Variants in ADARB1 observed in about 807,000 individuals in gnomAD.
ADARB1 encodes the protein adenosine deaminase RNA specific B1, also known as double-stranded RNA-specific editase 1.
In ADARB1, 10 loss-of-function variants were observed where a neutral mutation model predicts 52.4. The ratio of observed to expected loss-of-function variants is 0.19; its 90% CI spans 0.12 to 0.32. ADARB1 has a LOEUF of 0.32. ADARB1 is among the 10% of genes least tolerant of loss of function. The pLI, the probability that ADARB1 is intolerant of heterozygous loss-of-function variation, is 1.00. For missense variants in ADARB1, 643 were observed against 922.3 expected, an observed-to-expected ratio of 0.70 and a Z score of 3.92; for synonymous variants, 349 against 371.1, an observed-to-expected ratio of 0.94 and a Z score of 0.68.
chr21:45,217,790 A>G (rs1250251002), intron 9 of ADARB1, among the ~76,000 whole-genome samples: 1 of 152,016 alleles, frequency 6.6e-6, no homozygotes, highest in Non-Finnish European at 1.5e-5. Context: ...CTGGGAAAGT[A>G]TTTTGCTTTC....
chr21:45,171,558 A>T, intron 2 of ADARB1, 52 bp from the exon 3 acceptor site: 1 of 1,118,988 alleles, frequency 8.9e-7, no homozygotes, highest in Non-Finnish European at 1.3e-6. Flanking sequence ...GACTTACTTC[A>T]TATTACTCCT....
intron 1 of ADARB1, among the ~76,000 whole-genome samples, chr21:45,079,934 C>A (rs7275205): frequency 6.6e-6 from 1 of 151,990 alleles, no homozygotes; most frequent in Non-Finnish European, 1.5e-5. Context: ...TTTTGGCAAG[C>A]GGTCCACATT....
At chr21:45,194,854 A>G (rs952544220) in intron 8 of ADARB1, among the ~76,000 whole-genome samples, 14 of 152,236 alleles carry the variant, frequency 9.2e-5, no homozygotes, top group African/African-American at 2.2e-4. Flanking sequence ...CGCTTTGGCA[A>G]TTACAAATAA....
intron 7 of ADARB1, among the ~76,000 whole-genome samples, chr21:45,184,033 A>G (rs2092014655): frequency 6.6e-6 from 1 of 152,208 alleles, no homozygotes. Context: ...TGTTTATTCC[A>G]AATAGAACGT....
In ADARB1 at chr21:45,170,037, C is replaced by T. The variant is rs147213878; in HGVS notation, c.-47-1573C>T. On this transcript the variant is annotated intron_variant, in intron 2 of 10. Transcript: ENST00000348831. ...AGACCTTAACCCAATTACTTTTTAT[C>T]GGTCCTTCCATAATGGAAATATTAA... 1.3e-3 allele frequency among the ~76,000 whole-genome samples: 200 copies of T among 152,328 alleles called. 2 individuals carry two copies. Among genetic ancestry groups the T allele is most frequent in the East Asian group, 1.4e-3 (7 of 5,180 alleles).
At chr21:45,161,125 T>C (rs1373251570) in intron 2 of ADARB1, among the ~76,000 whole-genome samples, 2 of 152,328 alleles carry the variant, frequency 1.3e-5, no homozygotes, top group East Asian at 3.9e-4. Flanking sequence ...CTGCAGCCTG[T>C]CTGGAGTTGC....
chr21:45,214,476 TTTC>T (rs1266740802), intron 9 of ADARB1, among the ~76,000 whole-genome samples: 4 of 152,222 alleles, frequency 2.6e-5, no homozygotes, highest in Non-Finnish European at 5.9e-5. Flanking sequence ...ACTACAAAGA[TTTC>T]TTCTTATATT....
intron 1 of ADARB1, among the ~76,000 whole-genome samples, chr21:45,107,224 G>T (rs1010361984): frequency 6.6e-6 from 1 of 152,166 alleles, no homozygotes; most frequent in Admixed American, 6.5e-5. Flanking sequence ...CACAGAAGTC[G>T]CCTTGAGCAG....
chr21:45,151,639 A>G (rs546986170), intron 2 of ADARB1, among the ~76,000 whole-genome samples: 1 of 152,262 alleles, frequency 6.6e-6, no homozygotes, highest in South Asian at 2.1e-4. Flanking sequence ...CAGGGGAGGT[A>G]TCTCCCTGGG....
At chr21:45,090,418 C>G (rs1262684644) in intron 1 of ADARB1, among the ~76,000 whole-genome samples, 1 of 152,072 alleles carries the variant, frequency 6.6e-6, no homozygotes, top group Non-Finnish European at 1.5e-5. Flanking sequence ...TGCTTAACAC[C>G]TGGCTTTTGG....
chr21:45,160,594 A>G (rs560175861), intron 2 of ADARB1, among the ~76,000 whole-genome samples: 1 of 152,386 alleles, frequency 6.6e-6, no homozygotes, highest in African/African-American at 2.4e-5. Context: ...AATTAATTAA[A>G]TATAAGCAGC....
At chr21:45,136,667 A>C (rs1445415404) in intron 2 of ADARB1, among the ~76,000 whole-genome samples, 1 of 152,232 alleles carries the variant, frequency 6.6e-6, no homozygotes, top group Non-Finnish European at 1.5e-5. Context: ...GAGCTGCCCC[A>C]CCAGCCAGCG....
intron 8 of ADARB1, among the ~76,000 whole-genome samples, chr21:45,198,862 A>G (rs1337170065): frequency 6.6e-6 from 1 of 152,220 alleles, no homozygotes; most frequent in Non-Finnish European, 1.5e-5. Flanking sequence ...TATTTTTTAA[A>G]GCTTCATTAA....
Position 45,222,679 on chromosome 21 carries a change from G to A in ADARB1, c.*482G>A, listed in dbSNP as rs2092986833. On this transcript the variant is annotated 3_prime_UTR_variant, in exon 11 of 11. Transcript: ENST00000348831. ...AAAAAAGCATCTATATATGGAGGAGGGTGGGAAAATAGAGGTAGGAAATAG... is the reference window on the plus strand; with the variant it reads ...AAAAAAGCATCTATATATGGAGGAGAGTGGGAAAATAGAGGTAGGAAATAG... 7 of 986,738 alleles carry A rather than the reference G, an allele frequency of 7.1e-6. No individual in the cohort carries two copies. The highest frequency in any genetic ancestry group is 8.4e-6 in the Non-Finnish European group (7 of 831,024). 61.1% of individuals were successfully genotyped at this position (986,738 alleles called of 1,614,324 possible). A position where few individuals can be genotyped will look rare whatever the true frequency, so the allele number is the denominator to read the frequency against.
intron 1 of ADARB1, among the ~76,000 whole-genome samples, chr21:45,086,230 A>G (rs780303001): frequency 2.0e-5 from 3 of 152,230 alleles, no homozygotes; most frequent in Non-Finnish European, 2.9e-5. Context: ...AAACAATGCA[A>G]ATTGCAAGTT....
intron 8 of ADARB1, among the ~76,000 whole-genome samples, chr21:45,190,080 G>C (rs2092238910): frequency 6.6e-6 from 1 of 151,936 alleles, no homozygotes; most frequent in Non-Finnish European, 1.5e-5. Flanking sequence ...TAGAATACTT[G>C]TATAAGTCTG....
At chr21:45,112,351 T>C (rs2087579590) in intron 1 of ADARB1, among the ~76,000 whole-genome samples, 1 of 152,204 alleles carries the variant, frequency 6.6e-6, no homozygotes, top group African/African-American at 2.4e-5. Context: ...CACAGGGACT[T>C]CATATCTGCT....
chr21:45,077,524 G>A lies in ADARB1; in HGVS notation c.-220+2731G>A, dbSNP rs146861948. Among the ~76,000 whole-genome samples, 267 of 152,198 alleles carry A rather than the reference G, an allele frequency of 1.8e-3. 3 individuals are homozygous for A. In the Middle Eastern group the frequency reaches 0.027, roughly 16 times the overall value. On this transcript the variant is annotated intron_variant, in intron 1 of 10. Coordinates refer to ENST00000348831, the MANE Select transcript of ADARB1 (RefSeq NM_001112.4). Reference sequence around the variant, plus strand: ...ACTAAAAAAATATAAAAAATCAGCCGGGCATGGTGGTGGGCGCCTGTAGTC... The same window carrying A: ...ACTAAAAAAATATAAAAAATCAGCCAGGCATGGTGGTGGGCGCCTGTAGTC...
chr21:45,161,113 A>G (rs1304304632), intron 2 of ADARB1, among the ~76,000 whole-genome samples: 13 of 152,188 alleles, frequency 8.5e-5, no homozygotes, highest in Admixed American at 8.5e-4. Flanking sequence ...TGGTGATGGC[A>G]GCTGCAGCCT....
Sources: allele counts gnomAD v4.1 joint callset (sites outside exome capture counted in the v4.1 genomes callset), GRCh38; gene constraint gnomAD v4.1.1; transcripts MANE v1.5; gene names NCBI Gene and HGNC (gene_info 2026-07-23, HGNC 2026-07-21).